Variants in DIP2C observed in about 807,000 individuals in gnomAD.
The protein encoded by DIP2C is disco-interacting protein 2 homolog C.
DIP2C carries 33 observed loss-of-function variants against 192.4 expected under a neutral mutation model. The observed-to-expected ratio is 0.17, with a 90% CI of 0.13 to 0.23. The LOEUF is 0.23. Ranked by LOEUF, DIP2C falls within the 10% of genes least tolerant of loss-of-function variation. The probability of loss-of-function intolerance (pLI) is 1.00; values close to 1 mark genes in which losing one functional copy is unlikely to be tolerated. For missense variants in DIP2C, 1,537 were observed against 2,110.1 expected, an observed-to-expected ratio of 0.73 and a Z score of 5.32; for synonymous variants, 979 against 864.1, an observed-to-expected ratio of 1.13 and a Z score of -2.33.
At chr10:295,273 T>C (rs1457774011) in intron 32 of DIP2C, among the ~76,000 whole-genome samples, 1 of 152,082 alleles carries the variant, frequency 6.6e-6, no homozygotes, top group Non-Finnish European at 1.5e-5. Context: ...GTTAGATGGC[T>C]ATTATTGGCC....
intron 18 of DIP2C, among the ~76,000 whole-genome samples, chr10:368,397 G>A (rs192017326): frequency 6.6e-6 from 1 of 152,226 alleles, no homozygotes; most frequent in Non-Finnish European, 1.5e-5. Flanking sequence ...ATGGAGCCAG[G>A]GGGGCCTGGC....
intron 1 of DIP2C, among the ~76,000 whole-genome samples, chr10:497,579 T>A (rs893840773): frequency 2.0e-5 from 3 of 152,222 alleles, no homozygotes; most frequent in African/African-American, 7.2e-5. Flanking sequence ...CAGACGCTCA[T>A]ACAAGGAATC....
In DIP2C at chr10:275,267, G is replaced by GGGTGGGT. The variant is rs1334143110; in HGVS notation, c.*2051_*2057dup. 6.6e-6 allele frequency: 1 copy of GGGTGGGT among 152,236 alleles called. No homozygotes were observed. The highest frequency in any genetic ancestry group is 2.4e-5 in the African/African-American group (1 of 41,450). The allele number at this position is 152,236 out of a possible 1,614,324, so 9.4% of individuals were successfully genotyped here. ...AAACCTACCTCCCTTTCAACAAGGT[G>GGGTGGGT]GGTGGGTGTAGGAAAATGTCTTTTT... On this transcript the variant is annotated 3_prime_UTR_variant, in exon 37 of 37. Coordinates refer to ENST00000280886, the MANE Select transcript of DIP2C (RefSeq NM_014974.3).
chr10:609,141 AACC>A (rs1423383573), intron 1 of DIP2C, among the ~76,000 whole-genome samples: 1 of 152,144 alleles, frequency 6.6e-6, no homozygotes, highest in Non-Finnish European at 1.5e-5. Context: ...AAATTGCTAA[AACC>A]ACCAAGACAA....
chr10:684,011 T>C (rs1474849839), intron 1 of DIP2C, among the ~76,000 whole-genome samples: 1 of 152,246 alleles, frequency 6.6e-6, no homozygotes, highest in African/African-American at 2.4e-5. Flanking sequence ...GGGAAGCGCG[T>C]GGCTCGGGCC....
In DIP2C at chr10:689,461, G is replaced by A. The variant is rs1831465172; in HGVS notation, c.85+33C>T. Reference sequence around the variant, plus strand: ...CCGCGCGCGGCCCTCCCCGGTGACAGCGCGGCCCGGCCCGGGGCGGGGGCC... The same window carrying A: ...CCGCGCGCGGCCCTCCCCGGTGACAACGCGGCCCGGCCCGGGGCGGGGGCC... On this transcript the variant is annotated intron_variant, in intron 1 of 36. Transcript: ENST00000280886. This position sits in a 1 kb window ranked among gnomAD's most constrained non-coding sequence, Gnocchi z 6.1. The A allele has an allele frequency of 1.8e-6, 2 of 1,122,100 alleles. No individual in the cohort carries two copies. Among genetic ancestry groups the A allele is most frequent in the South Asian group, 2.4e-5 (1 of 41,482 alleles). The allele number at this position is 1,122,100 out of a possible 1,614,324, so 69.5% of individuals were successfully genotyped here. A position where few individuals can be genotyped will look rare whatever the true frequency, so the allele number is the denominator to read the frequency against.
Position 524,408 on chromosome 10 carries a change from A to C in DIP2C, c.86-37878T>G, listed in dbSNP as rs539200915. ...CAAGTAAAATCAGTCACTCAGACCT[A>C]TATGTGACTGGAAGTATACACATTA... is the stretch of plus-strand genomic sequence containing the variant. On this transcript the variant is annotated intron_variant, in intron 1 of 36. Coordinates refer to ENST00000280886, the MANE Select transcript of DIP2C (RefSeq NM_014974.3). Among the ~76,000 whole-genome samples the C allele has an allele frequency of 2.6e-5, 4 of 152,346 alleles. No individual in the cohort carries two copies. In the South Asian group the frequency reaches 6.2e-4, roughly 24 times the overall value.
chr10:329,355 C>T, intron 30 of DIP2C, 78 bp downstream of exon 30: 1 of 1,447,466 alleles, frequency 6.9e-7, no homozygotes, highest in Non-Finnish European at 9.2e-7. Context: ...TTTAACTTCA[C>T]CCCATCACAG....
chr10:579,203 A>C (rs1004108090), intron 1 of DIP2C, among the ~76,000 whole-genome samples: 1 of 152,162 alleles, frequency 6.6e-6, no homozygotes, highest in African/African-American at 2.4e-5. Context: ...ACATGCATAG[A>C]GCATACACAC....
intron 5 of DIP2C, among the ~76,000 whole-genome samples, chr10:420,469 G>GAGGC (rs1423875723): frequency 6.6e-6 from 1 of 152,212 alleles, no homozygotes; most frequent in Non-Finnish European, 1.5e-5. Context: ...ATTCCACCTG[G>GAGGC]AGGCAGGCAG....
At chr10:534,642 T>C (rs1266230217) in intron 1 of DIP2C, among the ~76,000 whole-genome samples, 1 of 152,084 alleles carries the variant, frequency 6.6e-6, no homozygotes, top group African/African-American at 2.4e-5. Flanking sequence ...GGCTGTCATC[T>C]TACAGTGTTT....
At chr10:536,464 T>C (rs1468578556) in intron 1 of DIP2C, among the ~76,000 whole-genome samples, 2 of 152,178 alleles carry the variant, frequency 1.3e-5, no homozygotes, top group Non-Finnish European at 2.9e-5. Context: ...TGTATCTATC[T>C]GCAAAGACCC....
At chr10:574,941 A>T (rs1376016788) in intron 1 of DIP2C, among the ~76,000 whole-genome samples, 1 of 152,146 alleles carries the variant, frequency 6.6e-6, no homozygotes, top group Admixed American at 6.5e-5. Context: ...ATGTAATTCC[A>T]CAGATTCTCA....
chr10:393,045 T>C (rs1963624874), intron 10 of DIP2C, among the ~76,000 whole-genome samples: 1 of 152,142 alleles, frequency 6.6e-6, no homozygotes, highest in African/African-American at 2.4e-5. Flanking sequence ...CCTGGACTAG[T>C]GGCTTTCCTG....
chr10:382,009 A>T (rs1962415813), intron 17 of DIP2C, among the ~76,000 whole-genome samples: 1 of 152,184 alleles, frequency 6.6e-6, no homozygotes, highest in Admixed American at 6.5e-5. Flanking sequence ...GACCAAGGAA[A>T]ATGAAAACAA....
chr10:328,564 G>A (rs1162260431), intron 30 of DIP2C, among the ~76,000 whole-genome samples: 1 of 150,768 alleles, frequency 6.6e-6, no homozygotes, highest in African/African-American at 2.4e-5. Context: ...ATACAATATA[G>A]ATGAACATGA....
intron 1 of DIP2C, among the ~76,000 whole-genome samples, chr10:488,484 GT>G (rs1844180718): frequency 6.6e-6 from 1 of 152,178 alleles, no homozygotes; most frequent in Admixed American, 6.5e-5. Flanking sequence ...ACAAAACTCT[GT>G]CCAGCTCCAA....
At chr10:632,400 A>G (rs1227292700) in intron 1 of DIP2C, among the ~76,000 whole-genome samples, 2 of 147,962 alleles carry the variant, frequency 1.4e-5, no homozygotes, top group Non-Finnish European at 3.0e-5. Flanking sequence ...GTGAACCCAG[A>G]CTCCACGGCC....
At chr10:487,647 A>G (rs557775806) in intron 1 of DIP2C, among the ~76,000 whole-genome samples, 9 of 126,616 alleles carry the variant, frequency 7.1e-5, no homozygotes, top group Non-Finnish European at 1.2e-4. Context: ...GCGTGATCTC[A>G]GCTCACTGCA....
Sources: gnomAD v4.1 joint callset for allele counts (sites outside exome capture counted in the v4.1 genomes callset) on GRCh38, gnomAD v4.1.1 for gene constraint, Gnocchi (gnomAD v3.1) non-coding constraint, MANE v1.5 for transcripts, NCBI Gene and HGNC (gene_info 2026-07-23, HGNC 2026-07-21) for gene names.